The following CFAP299 variants were observed in gnomAD, a reference collection of about 807,000 sequenced individuals.
CFAP299 encodes the protein cilia- and flagella-associated protein 299.
A neutral mutation model predicts 27.0 loss-of-function variants in CFAP299; 21 were observed. The observed-to-expected ratio is 0.78, with a 90% CI of 0.55 to 1.12. The LOEUF is 1.12. Ranked by LOEUF, CFAP299 falls within the 50% of genes most tolerant of loss-of-function variation. CFAP299 has a pLI of 0.00. For missense variants in CFAP299, 310 were observed against 276.6 expected (o/e 1.12, Z -0.86); for synonymous variants, 104 against 98.1 (o/e 1.06, Z -0.36).
intron 2 of CFAP299, among the ~76,000 whole-genome samples, chr4:80,549,617 TAAC>T (rs1734404034): frequency 6.6e-6 from 1 of 152,274 alleles, no homozygotes; most frequent in East Asian, 1.9e-4. Flanking sequence ...TTCAACAGGG[TAAC>T]TGTGGACACG....
At chr4:80,861,990 A>G (rs774751130) in intron 3 of CFAP299, among the ~76,000 whole-genome samples, 1 of 152,170 alleles carries the variant, frequency 6.6e-6, no homozygotes. Flanking sequence ...AAGAATTTTC[A>G]ATCCCTGGAC....
chr4:80,405,677 T>C (rs1376438010), intron 2 of CFAP299, among the ~76,000 whole-genome samples: 3 of 152,074 alleles, frequency 2.0e-5, no homozygotes, highest in Non-Finnish European at 4.4e-5. Flanking sequence ...ATTATTAGTA[T>C]ATTAGTATTT....
At chr4:80,672,749 A>T (rs926003913) in intron 3 of CFAP299, among the ~76,000 whole-genome samples, 1 of 152,054 alleles carries the variant, frequency 6.6e-6, no homozygotes, top group Non-Finnish European at 1.5e-5. Flanking sequence ...TATGTGTCCA[A>T]GAATTTATCC....
chr4:80,550,255 T>A (rs1349698495), intron 2 of CFAP299, among the ~76,000 whole-genome samples: 1 of 152,084 alleles, frequency 6.6e-6, no homozygotes, highest in African/African-American at 2.4e-5. Context: ...GCATATAAAA[T>A]CGTGAATAAG....
chr4:80,384,556 A>T (rs1724871389), intron 2 of CFAP299, among the ~76,000 whole-genome samples: 1 of 152,184 alleles, frequency 6.6e-6, no homozygotes. Context: ...AGCTAGAAAG[A>T]CATAGGCTTG....
intron 1 of CFAP299, among the ~76,000 whole-genome samples, chr4:80,358,647 C>G (rs1381521497): frequency 1.3e-5 from 2 of 151,818 alleles, no homozygotes; most frequent in Non-Finnish European, 2.9e-5. Context: ...TGATTGCAAC[C>G]CCTGCTTTTT....
At position 80,582,261 on chromosome 4, in the gene CFAP299, T is replaced by C. The variant is rs575840983; in HGVS notation, c.243-832T>C. On this transcript the variant is annotated intron_variant, in intron 2 of 5. Transcript: ENST00000358105. ...TTTTATGAACTCCTCTGATACTCGGTCTATATCTCTGTTATTCCAGTTATC... is the reference window on the plus strand; with the variant it reads ...TTTTATGAACTCCTCTGATACTCGGCCTATATCTCTGTTATTCCAGTTATC... Among the ~76,000 whole-genome samples, 3 of 151,998 alleles carry C rather than the reference T, an allele frequency of 2.0e-5. No individual in the cohort carries two copies. The East Asian group carries it at 5.8e-4, about 29-fold the overall frequency.
intron 2 of CFAP299, among the ~76,000 whole-genome samples, chr4:80,564,323 C>T (rs1735178471): frequency 6.6e-6 from 1 of 151,858 alleles, no homozygotes; most frequent in African/African-American, 2.4e-5. Context: ...TTAGAAAGAT[C>T]ATTCATTATG....
intron 3 of CFAP299, among the ~76,000 whole-genome samples, chr4:80,812,115 A>G (rs1729185501): frequency 1.3e-5 from 2 of 152,148 alleles, no homozygotes; most frequent in African/African-American, 4.8e-5. Context: ...TATATTCTAA[A>G]ATTCCAAAAA....
intron 3 of CFAP299, among the ~76,000 whole-genome samples, chr4:80,729,665 T>A (rs1168714015): frequency 1.4e-5 from 2 of 143,710 alleles, no homozygotes; most frequent in Non-Finnish European, 3.0e-5. Context: ...AGTGGCAAGA[T>A]CTTGGCTCAC....
chr4:80,782,776 T>C (rs1297281688), intron 3 of CFAP299, among the ~76,000 whole-genome samples: 1 of 147,770 alleles, frequency 6.8e-6, no homozygotes, highest in Non-Finnish European at 1.5e-5. Flanking sequence ...TATATTCATA[T>C]ATAATATACA....
intron 4 of CFAP299, among the ~76,000 whole-genome samples, chr4:80,926,857 T>C (rs1403094250): frequency 6.6e-6 from 1 of 152,098 alleles, no homozygotes; most frequent in Admixed American, 6.6e-5. Context: ...ATTTTATTAT[T>C]TGAATTAAGA....
At chr4:80,505,308 T>C (rs1731968525) in intron 2 of CFAP299, among the ~76,000 whole-genome samples, 1 of 152,114 alleles carries the variant, frequency 6.6e-6, no homozygotes, top group African/African-American at 2.4e-5. Context: ...ATCCAGTTCT[T>C]TTCTGAAAAA....
chr4:80,596,394 T>C (rs1282714895), intron 3 of CFAP299, among the ~76,000 whole-genome samples: 2 of 152,230 alleles, frequency 1.3e-5, no homozygotes, highest in African/African-American at 4.8e-5. Context: ...CTTTTAGTTA[T>C]TGGTCTTTTG....
At chr4:80,615,646 C>G (rs1316422458) in intron 3 of CFAP299, among the ~76,000 whole-genome samples, 3 of 152,018 alleles carry the variant, frequency 2.0e-5, no homozygotes, top group African/African-American at 4.8e-5. Flanking sequence ...AGTGATCCTC[C>G]TTTACTCAGC....
chr4:80,513,817 A>G (rs2110166635), intron 2 of CFAP299, among the ~76,000 whole-genome samples: 1 of 152,300 alleles, frequency 6.6e-6, no homozygotes, highest in East Asian at 1.9e-4. Context: ...GGAATCTCTG[A>G]TAACTACTGT....
At chr4:80,549,300 T>C (rs954533610) in intron 2 of CFAP299, among the ~76,000 whole-genome samples, 3 of 152,072 alleles carry the variant, frequency 2.0e-5, no homozygotes, top group African/African-American at 7.2e-5. Flanking sequence ...GGTTTGGGTT[T>C]AGAACAGTGG....
chr4:80,488,386 A>G lies in CFAP299; in HGVS notation c.243-94707A>G, dbSNP rs79176541. Among the ~76,000 whole-genome samples the G allele has an allele frequency of 1.3e-4, 20 of 152,250 alleles. No individual in the cohort carries two copies. In the East Asian group the frequency reaches 3.9e-3, roughly 29 times the overall value. Reference sequence around the variant, plus strand: ...TAGGCATCATCAACTTAATTTATTCATTAGTGATTATTCAATATTTCATAC... The same window carrying G: ...TAGGCATCATCAACTTAATTTATTCGTTAGTGATTATTCAATATTTCATAC... On this transcript the variant is annotated intron_variant, in intron 2 of 5. Transcript: ENST00000358105.
intron 3 of CFAP299, among the ~76,000 whole-genome samples, chr4:80,814,207 A>T (rs965033940): frequency 1.3e-5 from 2 of 152,062 alleles, no homozygotes; most frequent in Non-Finnish European, 2.9e-5. Flanking sequence ...ATTACACTTC[A>T]TCACTTCCCT....
Sources: gnomAD v4.1 joint callset for allele counts (sites outside exome capture counted in the v4.1 genomes callset) on GRCh38, gnomAD v4.1.1 for gene constraint, MANE v1.5 for transcripts, NCBI Gene and HGNC (gene_info 2026-07-23, HGNC 2026-07-21) for gene names.